NTSR1: variants seen among roughly 807,000 people sequenced by gnomAD.
The protein encoded by NTSR1 is neurotensin receptor type 1.
NTSR1 carries 29 observed loss-of-function variants against 31.2 expected under a neutral mutation model. That is an observed-to-expected ratio of 0.93 (90% CI 0.69 to 1.27). The LOEUF (loss-of-function observed/expected upper bound fraction) is 1.27, where lower values mean the gene tolerates loss of function less well. Among genes scored for constraint, NTSR1 ranks in the 50% most tolerant of loss-of-function variants. NTSR1 has a pLI of 0.00. For missense variants in NTSR1, 697 were observed against 595.4 expected (o/e 1.17, Z -1.78); for synonymous variants, 282 against 269.9 (o/e 1.04, Z -0.44).
chr20:62,727,907 G>A (rs1318191931), intron 1 of NTSR1, among the ~76,000 whole-genome samples: 1 of 152,246 alleles, frequency 6.6e-6, no homozygotes, highest in African/African-American at 2.4e-5. Context: ...GGCGCTCCCG[G>A]CGTGGGCCGA....
In NTSR1 at chr20:62,758,354, T is replaced by C. The variant is rs1485850459; in HGVS notation, c.1005T>C (p.Thr335=). ...GCTACATCTCGGATGAGCAGTGGACTCCGTGAGTACCGGGAACCAGGAAGT... is the reference window on the plus strand; with the variant it reads ...GCTACATCTCGGATGAGCAGTGGACCCCGTGAGTACCGGGAACCAGGAAGT... ...MFCYISDEQW[T]PFLYDFYHYF... Residue 335 remains threonine (T), a splice_region_variant and synonymous_variant, in exon 3 of 4, where the codon ACT becomes ACC. Coordinates refer to ENST00000370501, the MANE Select transcript of NTSR1 (RefSeq NM_002531.3). This position sits in a 1 kb window ranked among gnomAD's most constrained non-coding sequence, Gnocchi z 4.5. The C allele has an allele frequency of 6.2e-7, 1 of 1,613,168 alleles. No homozygotes were observed. Among genetic ancestry groups the C allele is most frequent in the Non-Finnish European group, 8.5e-7 (1 of 1,179,654 alleles).
chr20:62,739,283 C>A (rs1026040691), intron 1 of NTSR1, among the ~76,000 whole-genome samples: 1 of 152,206 alleles, frequency 6.6e-6, no homozygotes, highest in African/African-American at 2.4e-5. Context: ...TCTTGAGATC[C>A]CAGACTCGGC....
At chr20:62,749,216 C>T (rs528552772) in intron 1 of NTSR1, among the ~76,000 whole-genome samples, 22 of 152,146 alleles carry the variant, frequency 1.4e-4, no homozygotes, top group African/African-American at 4.1e-4. Context: ...CCGAGGTGGG[C>T]GGATCACGAG....
At chr20:62,712,738 CACCCGCACACGTGG>C (rs974093933) in intron 1 of NTSR1, among the ~76,000 whole-genome samples, 1 of 152,224 alleles carries the variant, frequency 6.6e-6, no homozygotes, top group African/African-American at 2.4e-5. Flanking sequence ...TCCTCTAACC[CACCCGCACACGTGG>C]CCCCACACGG....
At position 62,712,168 on chromosome 20, in the gene NTSR1, G is replaced by A. The variant is rs368912852; in HGVS notation, c.714+2247G>A. 1.6e-4 allele frequency among the ~76,000 whole-genome samples: 24 copies of A among 152,266 alleles called. No individual in the cohort carries two copies. The South Asian group carries it at 1.7e-3, about 11-fold the overall frequency. Reference sequence around the variant, plus strand: ...CTTGGCTTCCCCTGACCCCTGCCCCGCCATTTGCCATTTTATGAAAGGTTT... The same window carrying A: ...CTTGGCTTCCCCTGACCCCTGCCCCACCATTTGCCATTTTATGAAAGGTTT... On this transcript the variant is annotated intron_variant, in intron 1 of 3. Transcript: ENST00000370501.
At chr20:62,759,730 G>C (rs1194006343) in intron 3 of NTSR1, among the ~76,000 whole-genome samples, 1 of 148,106 alleles carries the variant, frequency 6.8e-6, no homozygotes, top group Non-Finnish European at 1.5e-5. Flanking sequence ...AGCCGAGATC[G>C]CGCCACTGTA....
At position 62,743,342 on chromosome 20, in the gene NTSR1, C is replaced by T. The variant is rs746240372; in HGVS notation, c.715-11343C>T. 2.0e-4 allele frequency among the ~76,000 whole-genome samples: 27 copies of T among 136,594 alleles called. No individual in the cohort carries two copies. The highest frequency in any genetic ancestry group is 4.0e-4 in the African/African-American group (13 of 32,650). 89.6% of individuals were successfully genotyped at this position (136,594 alleles called of 152,430 possible). ...AGGGTTTCTGAATTAACTCTGCCATCGTTCCTGGCCTCAGCTGTGGTGGGG... is the reference window on the plus strand; with the variant it reads ...AGGGTTTCTGAATTAACTCTGCCATTGTTCCTGGCCTCAGCTGTGGTGGGG... On this transcript the variant is annotated intron_variant, in intron 1 of 3. Transcript: ENST00000370501. This position sits in a 1 kb window ranked among gnomAD's most constrained non-coding sequence, Gnocchi z 7.5.
At chr20:62,748,776 A>C (rs1361032395) in intron 1 of NTSR1, among the ~76,000 whole-genome samples, 1 of 152,168 alleles carries the variant, frequency 6.6e-6, no homozygotes, top group East Asian at 1.9e-4. Context: ...GGATTAATCC[A>C]TTCATAAATA....
rs1404501852 is a variant in NTSR1 at position 62,714,750 on chromosome 20, CAG to C, written c.714+4830_714+4831del. ...TAAACAACTCGTTCTGTTCTACAAA[CAG>C]TGAGGGAATCGGAGACGGTGGCCTG... On this transcript the variant is annotated intron_variant, in intron 1 of 3. Transcript: ENST00000370501. The surrounding 1 kb of genome is among the most constrained non-coding windows in gnomAD (Gnocchi z 4.1). 6.6e-6 allele frequency among the ~76,000 whole-genome samples: 1 copy of C among 152,210 alleles called. No homozygotes were observed.
At position 62,709,861 on chromosome 20, in the gene NTSR1, C is replaced by G; in HGVS notation, c.654C>G (p.His218Gln). 6.2e-7 allele frequency: 1 copy of G among 1,607,698 alleles called. No individual in the cohort carries two copies. The highest frequency in any genetic ancestry group is 1.3e-5 in the African/African-American group (1 of 74,938). The change falls in exon 1 of 4, where the codon CAC becomes CAG. Residue 218 changes from histidine (H) to glutamine (Q), a missense_variant. Coordinates refer to ENST00000370501, the MANE Select transcript of NTSR1 (RefSeq NM_002531.3). ...GEQNRSADGQHAGGLVCTPTI... is the reference protein window; with the variant it reads ...GEQNRSADGQQAGGLVCTPTI... ...AGAACCGCAGCGCCGACGGCCAGCA[C>G]GCCGGCGGCCTGGTGTGCACCCCCA...
intron 1 of NTSR1, among the ~76,000 whole-genome samples, chr20:62,753,994 C>T (rs546439533): frequency 3.3e-5 from 5 of 152,228 alleles, no homozygotes; most frequent in Non-Finnish European, 7.3e-5. Context: ...CACAGCCCCC[C>T]TTGCGCTGGA....
rs376007568 is a variant in NTSR1, at chr20:62,744,880, G to A, written c.715-9805G>A. On this transcript the variant is annotated intron_variant, in intron 1 of 3. Coordinates refer to ENST00000370501, the MANE Select transcript of NTSR1 (RefSeq NM_002531.3). This position sits in a 1 kb window ranked among gnomAD's most constrained non-coding sequence, Gnocchi z 4.1. The stretch of plus-strand genomic sequence containing the variant: ...TTGAGGCCCTACCAACCACTCAAAC[G>A]CCATTCCCAGACCCAGACAGGGCTA... Among the ~76,000 whole-genome samples the A allele has an allele frequency of 2.0e-5, 3 of 152,152 alleles. No individual in the cohort carries two copies. The highest frequency in any genetic ancestry group is 4.8e-5 in the African/African-American group (2 of 41,428).
chr20:62,716,764 C>T (rs1468264451), intron 1 of NTSR1, among the ~76,000 whole-genome samples: 1 of 152,228 alleles, frequency 6.6e-6, no homozygotes, highest in East Asian at 1.9e-4. Flanking sequence ...GAGCCCCCAT[C>T]CCGGCAGCCC....
In NTSR1 at chr20:62,745,268, G is replaced by A. The variant is rs1217379792; in HGVS notation, c.715-9417G>A. On this transcript the variant is annotated intron_variant, in intron 1 of 3. Transcript: ENST00000370501. This position sits in a 1 kb window ranked among gnomAD's most constrained non-coding sequence, Gnocchi z 4.1. ...AAGCAGAGACACAGAGAGACATGGA[G>A]AGAGACACAGAGACAGAGAAACAGA... Among the ~76,000 whole-genome samples the A allele has an allele frequency of 1.3e-5, 2 of 152,058 alleles. No individual in the cohort carries two copies. Among genetic ancestry groups the A allele is most frequent in the East Asian group, 3.9e-4 (2 of 5,182 alleles).
intron 1 of NTSR1, among the ~76,000 whole-genome samples, chr20:62,719,391 A>G (rs1387029066): frequency 4.6e-5 from 5 of 108,188 alleles, no homozygotes; most frequent in Non-Finnish European, 8.5e-5. Flanking sequence ...TTTAATCAAT[A>G]TAAGTGCACA....
chr20:62,723,492 G>A (rs76414745), intron 1 of NTSR1, among the ~76,000 whole-genome samples: 2,230 of 152,320 alleles, frequency 0.015, 59 homozygotes, highest in African/African-American at 0.048. Flanking sequence ...TTCAGGCTGC[G>A]TGCCCAGCAG....
intron 1 of NTSR1, among the ~76,000 whole-genome samples, chr20:62,725,740 C>G (rs1483069881): frequency 6.6e-6 from 1 of 152,084 alleles, no homozygotes; most frequent in African/African-American, 2.4e-5. Context: ...ATTGGTATCA[C>G]CCCCCACCTT....
intron 1 of NTSR1, among the ~76,000 whole-genome samples, chr20:62,728,209 G>A (rs1472172787): frequency 2.0e-5 from 3 of 152,170 alleles, no homozygotes; most frequent in Non-Finnish European, 4.4e-5. Context: ...AGGTCCCCCC[G>A]AGTCTCCCAG....
chr20:62,731,324 T>C (rs1180820310), intron 1 of NTSR1, among the ~76,000 whole-genome samples: 2 of 152,178 alleles, frequency 1.3e-5, no homozygotes, highest in Non-Finnish European at 2.9e-5. Flanking sequence ...CCTCAGGTGA[T>C]CCACCCGCCT....
Sources: gnomAD v4.1 joint callset for allele counts (sites outside exome capture counted in the v4.1 genomes callset) on GRCh38, gnomAD v4.1.1 for gene constraint, Gnocchi (gnomAD v3.1) non-coding constraint, MANE v1.5 for transcripts, NCBI Gene and HGNC (gene_info 2026-07-23, HGNC 2026-07-21) for gene names.